The following CUEDC1 variants were observed in gnomAD, a reference collection of about 807,000 sequenced individuals.
CUEDC1 encodes CUE domain-containing protein 1.
Under a neutral mutation model 43.7 loss-of-function variants are expected in CUEDC1, and 30 were observed. The ratio of observed to expected loss-of-function variants is 0.69; its 90% CI spans 0.51 to 0.93. CUEDC1 has a LOEUF of 0.93. CUEDC1 is among the 40% of genes least tolerant of loss of function. The probability of loss-of-function intolerance (pLI) is 0.00; values close to 1 mark genes in which losing one functional copy is unlikely to be tolerated. For missense variants in CUEDC1, 486 were observed against 549.0 expected, an observed-to-expected ratio of 0.89 and a Z score of 1.15; for synonymous variants, 223 against 223.6, an observed-to-expected ratio of 1.00 and a Z score of 0.02.
At position 57,869,213 on chromosome 17, in the gene CUEDC1, G is replaced by A. The variant is rs373753016; in HGVS notation, c.869-20C>T. ...CAGTTCCTGGAAGGAGACACCTGCT[G>A]AAGGCCGGCCACCGTGGCCAGCCAT... is the stretch of plus-strand genomic sequence containing the variant. On this transcript the variant is annotated intron_variant, in intron 6 of 10. Coordinates refer to ENST00000577830, the MANE Select transcript of CUEDC1 (RefSeq NM_001271875.2). 1.4e-5 allele frequency: 23 copies of A among 1,611,256 alleles called. No individual in the cohort carries two copies. The highest frequency in any genetic ancestry group is 1.9e-5 in the Non-Finnish European group (22 of 1,178,702).
Position 57,905,159 on chromosome 17 carries a change from G to A in CUEDC1, c.-315-19280C>T, listed in dbSNP as rs565796535. On this transcript the variant is annotated intron_variant, in intron 1 of 10. Coordinates refer to ENST00000577830, the MANE Select transcript of CUEDC1 (RefSeq NM_001271875.2). ...AGCGAATGAGGGGGCTGCATGCCTC[G>A]AGGGTCCTGCAAGTCACCATGAAGA... Among the ~76,000 whole-genome samples the A allele has an allele frequency of 7.2e-5, 11 of 151,758 alleles. No homozygotes were observed. The South Asian group carries it at 1.0e-3, about 14-fold the overall frequency.
intron 1 of CUEDC1, among the ~76,000 whole-genome samples, chr17:57,921,828 T>C (rs1172929959): frequency 1.3e-5 from 2 of 152,118 alleles, no homozygotes; most frequent in East Asian, 3.8e-4. Flanking sequence ...AGAAGTCAGA[T>C]TTGGTCAGGC....
At chr17:57,929,006 G>A (rs915699615) in intron 1 of CUEDC1, among the ~76,000 whole-genome samples, 65 of 145,030 alleles carry the variant, frequency 4.5e-4, no homozygotes, top group African/African-American at 1.8e-3. Flanking sequence ...TTAGCAGGCG[G>A]GGAAAAAAAG....
At chr17:57,891,782 C>T (rs1303115511) in intron 1 of CUEDC1, among the ~76,000 whole-genome samples, 1 of 152,212 alleles carries the variant, frequency 6.6e-6, no homozygotes, top group Non-Finnish European at 1.5e-5. Flanking sequence ...TCCTTCTGGT[C>T]CCTACTCAAC....
At position 57,877,064 on chromosome 17, in the gene CUEDC1, G is replaced by A. The variant is rs188469030; in HGVS notation, c.464+2547C>T. 4.6e-5 allele frequency among the ~76,000 whole-genome samples: 7 copies of A among 152,262 alleles called. No homozygotes were observed. The South Asian group carries it at 8.3e-4, about 18-fold the overall frequency. ...AAGAAAGGGGTGGGGAGAACAGACCGCTTCTGTCTGACTCCACAAGTCAAG... is the reference window on the plus strand; with the variant it reads ...AAGAAAGGGGTGGGGAGAACAGACCACTTCTGTCTGACTCCACAAGTCAAG... On this transcript the variant is annotated intron_variant, in intron 3 of 10. Coordinates refer to ENST00000577830, the MANE Select transcript of CUEDC1 (RefSeq NM_001271875.2).
chr17:57,871,139 C>G, intron 6 of CUEDC1, 147 bp downstream of exon 6: 2 of 665,350 alleles, frequency 3.0e-6, no homozygotes, highest in Non-Finnish European at 5.4e-6. Flanking sequence ...GGGGCAGAAG[C>G]AGCCCCGCCA....
chr17:57,915,669 C>A (rs991538506), intron 1 of CUEDC1, among the ~76,000 whole-genome samples: 1 of 152,176 alleles, frequency 6.6e-6, no homozygotes, highest in African/African-American at 2.4e-5. Flanking sequence ...TCCTTGCCCA[C>A]GTGCCACAGC....
intron 1 of CUEDC1, among the ~76,000 whole-genome samples, chr17:57,897,532 T>C (rs1054904707): frequency 2.7e-5 from 4 of 150,148 alleles, no homozygotes; most frequent in Admixed American, 2.7e-4. Flanking sequence ...TAGCCGGGTG[T>C]GGTGGCAGGC....
At chr17:57,917,852 C>A (rs1342118427) in intron 1 of CUEDC1, among the ~76,000 whole-genome samples, 2 of 152,218 alleles carry the variant, frequency 1.3e-5, no homozygotes, top group Non-Finnish European at 2.9e-5. Flanking sequence ...GAAGACTACT[C>A]CTCCTGACCC....
chr17:57,879,582 C>A, intron 3 of CUEDC1, 29 bp downstream of exon 3: 3 of 1,566,818 alleles, frequency 1.9e-6, no homozygotes, highest in Non-Finnish European at 2.6e-6. Context: ...CCCTGCCACC[C>A]TGTGCTCTGA....
In CUEDC1 at chr17:57,867,408, C is replaced by T. The variant is rs1597966526; in HGVS notation, c.1042G>A (p.Ala348Thr). ...KHLLKHQSLG[A>T]AASTANLLDD... ...AGGAGGTTGGCTGTTGACGCGGCAG[C>T]CCCCAGCCTGCCAGGCCATTCAGGA... The change falls in exon 9 of 11, where the codon GCT becomes ACT. Residue 348 changes from alanine to threonine, a missense_variant. Transcript: ENST00000577830. 2 of 1,552,370 alleles carry T rather than the reference C, an allele frequency of 1.3e-6. No homozygotes were observed. The highest frequency in any genetic ancestry group is 1.7e-6 in the Non-Finnish European group (2 of 1,147,288).
At position 57,885,569 on chromosome 17, in the gene CUEDC1, C is replaced by A. The variant is rs1432665471; in HGVS notation, c.-5G>T. 1.5e-6 allele frequency: 2 copies of A among 1,351,148 alleles called. No homozygotes were observed. Among genetic ancestry groups the A allele is most frequent in the African/African-American group, 1.5e-5 (1 of 64,918 alleles). 83.7% of individuals were successfully genotyped at this position (1,351,148 alleles called of 1,614,324 possible). A position where few individuals can be genotyped will look rare whatever the true frequency, so the allele number is the denominator to read the frequency against. ...CCGGCGGAACAGGCTGGTCATTTTGCGGAGCCGCTTGGGGAAAATGTTTCT... is the reference window on the plus strand; with the variant it reads ...CCGGCGGAACAGGCTGGTCATTTTGAGGAGCCGCTTGGGGAAAATGTTTCT... On this transcript the variant is annotated 5_prime_UTR_variant, in exon 2 of 11. Coordinates refer to ENST00000577830, the MANE Select transcript of CUEDC1 (RefSeq NM_001271875.2).
At chr17:57,921,601 C>G (rs1274177261) in intron 1 of CUEDC1, among the ~76,000 whole-genome samples, 3 of 152,228 alleles carry the variant, frequency 2.0e-5, no homozygotes, top group Non-Finnish European at 2.9e-5. Flanking sequence ...GCTTCTCTCC[C>G]GGTTTCTCTG....
chr17:57,898,318 C>T lies in CUEDC1; in HGVS notation c.-315-12439G>A, dbSNP rs188791797. On this transcript the variant is annotated intron_variant, in intron 1 of 10. Coordinates refer to ENST00000577830, the MANE Select transcript of CUEDC1 (RefSeq NM_001271875.2). Reference sequence around the variant, plus strand: ...GAGGGCCTGTTGGGGCACAACAGGGCTGGGGGTCTGGCCAGGAAGCTGCCG... The same window carrying T: ...GAGGGCCTGTTGGGGCACAACAGGGTTGGGGGTCTGGCCAGGAAGCTGCCG... 2.3e-4 allele frequency among the ~76,000 whole-genome samples: 35 copies of T among 152,230 alleles called. No individual in the cohort carries two copies. In the East Asian group the frequency reaches 6.2e-3, roughly 27 times the overall value.
intron 1 of CUEDC1, among the ~76,000 whole-genome samples, chr17:57,888,503 G>A (rs2144975697): frequency 6.6e-6 from 1 of 152,356 alleles, no homozygotes; most frequent in Middle Eastern, 3.4e-3. Context: ...CAAATGATCA[G>A]TCCAAGAGTT....
intron 1 of CUEDC1, among the ~76,000 whole-genome samples, chr17:57,924,638 C>T (rs1403335850): frequency 6.6e-6 from 1 of 151,898 alleles, no homozygotes; most frequent in Non-Finnish European, 1.5e-5. Flanking sequence ...TCCCATCACC[C>T]CACCCCTGTA....
At chr17:57,943,758 G>A (rs1315529915) in intron 1 of CUEDC1, among the ~76,000 whole-genome samples, 1 of 152,056 alleles carries the variant, frequency 6.6e-6, no homozygotes, top group Non-Finnish European at 1.5e-5. Context: ...GATCTCCTCA[G>A]CTCTGCCCCA....
chr17:57,877,363 G>C (rs2144942962), intron 3 of CUEDC1, among the ~76,000 whole-genome samples: 1 of 152,270 alleles, frequency 6.6e-6, no homozygotes, highest in African/African-American at 2.4e-5. Flanking sequence ...AAGCGTGACG[G>C]TATGCCCTGT....
chr17:57,929,202 T>G (rs998011735), intron 1 of CUEDC1, among the ~76,000 whole-genome samples: 9 of 152,172 alleles, frequency 5.9e-5, no homozygotes, highest in African/African-American at 2.2e-4. Context: ...GCTGGGCTCT[T>G]AACGATAAGC....
Sources: gnomAD v4.1 joint callset for allele counts (sites outside exome capture counted in the v4.1 genomes callset) on GRCh38, gnomAD v4.1.1 for gene constraint, MANE v1.5 for transcripts, NCBI Gene and HGNC (gene_info 2026-07-23, HGNC 2026-07-21) for gene names.